Variants in ZNF469 observed in about 807,000 individuals in gnomAD.
The protein encoded by ZNF469 is zinc finger protein 469.
A neutral mutation model predicts 1.0 loss-of-function variants in ZNF469; 1 was observed. The ratio of observed to expected loss-of-function variants is 1.00; its 90% confidence interval spans 0.35 to 4.73. ZNF469 has a LOEUF of 4.73. Among genes scored for constraint, ZNF469 ranks in the 30% most tolerant of loss-of-function variants. ZNF469 has a pLI of 0.16. For missense variants in ZNF469, 6,100 were observed against 5,356.3 expected (o/e 1.14, Z -4.33); for synonymous variants, 2,703 against 2,363.4 (o/e 1.14, Z -4.17).
chr16:88,180,099 C>A, the ZNF469 span, among the ~76,000 whole-genome samples: 72 of 139,896 alleles, frequency 5.1e-4, no homozygotes, highest in African/African-American at 1.8e-3. Flanking sequence ...TATTCCTTCA[C>A]TTTCTTAATA....
At chr16:88,156,303 T>C in the ZNF469 span, among the ~76,000 whole-genome samples, 1 of 152,338 alleles carries the variant, frequency 6.6e-6, no homozygotes, top group East Asian at 1.9e-4. Flanking sequence ...TAAGAAACCA[T>C]TGCCTGACCC....
intron 1 of ZNF469, among the ~76,000 whole-genome samples, chr16:88,413,617 G>C (rs1567504537): frequency 6.6e-6 from 1 of 152,242 alleles, no homozygotes; most frequent in Admixed American, 6.5e-5. Context: ...GCAGAGCTGG[G>C]GGCAGCGTTA....
the ZNF469 span, among the ~76,000 whole-genome samples, chr16:88,275,244 G>A: frequency 6.6e-6 from 1 of 152,224 alleles, no homozygotes; most frequent in Non-Finnish European, 1.5e-5. Flanking sequence ...GGGAGGGGCC[G>A]GCGAGCACCT....
chr16:88,116,802 C>T, the ZNF469 span, among the ~76,000 whole-genome samples: 1 of 152,178 alleles, frequency 6.6e-6, no homozygotes, highest in South Asian at 2.1e-4. Flanking sequence ...TGGTGGTTTG[C>T]CAGGGCTGGG....
chr16:88,308,385 G>A, the ZNF469 span, among the ~76,000 whole-genome samples: 5 of 152,144 alleles, frequency 3.3e-5, no homozygotes, highest in African/African-American at 9.7e-5. Context: ...GATTGTGATC[G>A]GGATTGCACT....
the ZNF469 span, among the ~76,000 whole-genome samples, chr16:88,120,207 G>T: frequency 1.3e-5 from 2 of 152,194 alleles, no homozygotes; most frequent in East Asian, 3.9e-4. Flanking sequence ...GAGGAGGAGA[G>T]CAATCTTCAG....
the ZNF469 span, among the ~76,000 whole-genome samples, chr16:88,123,193 A>C: frequency 6.6e-6 from 1 of 152,024 alleles, no homozygotes; most frequent in African/African-American, 2.4e-5. Context: ...GTATGCCCCA[A>C]CCCGTCTGCT....
chr16:88,263,038 G>T, the ZNF469 span, among the ~76,000 whole-genome samples: 3 of 152,222 alleles, frequency 2.0e-5, no homozygotes, highest in African/African-American at 7.2e-5. Context: ...AAGCAGACCT[G>T]TGAAAATCCG....
At chr16:88,166,772 A>AAC in the ZNF469 span, among the ~76,000 whole-genome samples, 12,918 of 145,830 alleles carry the variant, frequency 0.089, 642 homozygotes, top group Admixed American at 0.16. This position sits in a 1 kb window ranked among gnomAD's most constrained non-coding sequence, Gnocchi z 4.5. Flanking sequence ...CAGAATCATA[A>AAC]ACACACACAC....
At chr16:88,298,060 T>C in the ZNF469 span, among the ~76,000 whole-genome samples, 1 of 152,184 alleles carries the variant, frequency 6.6e-6, no homozygotes, top group South Asian at 2.1e-4. Context: ...TTCTTCATCT[T>C]TTCAGTTTAT....
intron 1 of ZNF469, among the ~76,000 whole-genome samples, chr16:88,403,863 C>G (rs1372762794): frequency 6.6e-6 from 1 of 152,178 alleles, no homozygotes; most frequent in African/African-American, 2.4e-5. Flanking sequence ...CAGGACACTC[C>G]TCAGCCTGGT....
Position 88,432,325 on chromosome 16 carries a change from G to A in ZNF469, c.4855G>A (p.Glu1619Lys), listed in dbSNP as rs759327672. 293 of 1,547,914 alleles carry A rather than the reference G, an allele frequency of 1.9e-4. No individual in the cohort carries two copies. The highest frequency in any genetic ancestry group is 1.0e-3 in the Admixed American group (53 of 50,992). Reference protein sequence around the residue: ...RRTCQATVPHEDTFSAADLTR... With the variant: ...RRTCQATVPHKDTFSAADLTR... ...CACCTGCCAGGCCACCGTGCCCCAC[G>A]AGGACACGTTCTCGGCAGCTGACCT... is the stretch of plus-strand genomic sequence containing the variant. The change falls in exon 3 of 3, where the codon GAG becomes AAG. Residue 1619 changes from glutamate to lysine, a missense_variant. Coordinates refer to ENST00000565624, the MANE Select transcript of ZNF469 (RefSeq NM_001367624.2).
chr16:88,179,071 G>C, the ZNF469 span: 1 of 152,368 alleles, frequency 6.6e-6, no homozygotes, highest in East Asian at 1.9e-4. Flanking sequence ...GGGTGGGTGC[G>C]TGGTCCGTGT....
At chr16:88,377,568 G>A in the ZNF469 span, among the ~76,000 whole-genome samples, 1 of 152,200 alleles carries the variant, frequency 6.6e-6, no homozygotes, top group African/African-American at 2.4e-5. Context: ...CCATCCGTCT[G>A]GAATGTCTCC....
At chr16:88,402,082 G>T (rs1416443217) in intron 1 of ZNF469, among the ~76,000 whole-genome samples, 1 of 65,192 alleles carries the variant, frequency 1.5e-5, no homozygotes, top group Admixed American at 1.2e-4. Context: ...ATAGATGGTA[G>T]ATGGATGGGT....
the ZNF469 span, among the ~76,000 whole-genome samples, chr16:88,186,321 T>A: frequency 2.1e-3 from 315 of 152,312 alleles, 2 homozygotes; most frequent in African/African-American, 7.1e-3. Flanking sequence ...ACTTGGCCTT[T>A]CCCCTCTTTC....
In ZNF469 at chr16:88,427,433, G is replaced by A. The variant is rs528607462; in HGVS notation, c.-38G>A. On this transcript the variant is annotated 5_prime_UTR_variant, in exon 3 of 3. Coordinates refer to ENST00000565624, the MANE Select transcript of ZNF469 (RefSeq NM_001367624.2). ...CAGCCCACTCCCCAGGGCCCCCCTC[G>A]GACAGCTGCGTCGTCCTAGCGCCAG... The A allele has an allele frequency of 1.4e-4, 204 of 1,446,774 alleles. 2 individuals are homozygous for A. The South Asian group carries it at 2.5e-3, about 18-fold the overall frequency. The allele number at this position is 1,446,774 out of a possible 1,614,324, so 89.6% of individuals were successfully genotyped here.
At position 88,438,976 on chromosome 16, in the gene ZNF469, A is replaced by G; in HGVS notation, c.11506A>G (p.Arg3836Gly). Residue 3836 changes from arginine to glycine, a missense_variant, in exon 3 of 3, where the codon AGA becomes GGA. Transcript: ENST00000565624. ...GAGTGAAAGTGTGGGGAGCTTCGGG[A>G]GAGCCCCCTCAGCCCCTGACAAGCC... ...ARSESVGSFG[R>G]APSAPDKPPR... 6.4e-7 allele frequency: 1 copy of G among 1,550,438 alleles called. No individual in the cohort carries two copies. Among genetic ancestry groups the G allele is most frequent in the Non-Finnish European group, 8.7e-7 (1 of 1,146,958 alleles).
chr16:88,291,689 G>A, the ZNF469 span, among the ~76,000 whole-genome samples: 8,601 of 151,808 alleles, frequency 0.057, 792 homozygotes, highest in African/African-American at 0.2. Flanking sequence ...AGGGAGCCCC[G>A]TGCGGAAGCA....
Sources: gnomAD v4.1 joint callset for allele counts (sites outside exome capture counted in the v4.1 genomes callset) on GRCh38, gnomAD v4.1.1 for gene constraint, Gnocchi (gnomAD v3.1) non-coding constraint, MANE v1.5 for transcripts, NCBI Gene and HGNC (gene_info 2026-07-23, HGNC 2026-07-21) for gene names.